Variants in CPS1 observed in about 807,000 individuals in gnomAD.
CPS1 encodes the protein carbamoyl-phosphate synthase [ammonia], mitochondrial.
Under a neutral mutation model 174.6 loss-of-function variants are expected in CPS1, and 109 were observed. The ratio of observed to expected loss-of-function variants is 0.62; its 90% CI spans 0.53 to 0.73. The LOEUF is 0.73. Among genes scored for constraint, CPS1 ranks in the 30% least tolerant of loss-of-function variants. The probability of loss-of-function intolerance (pLI) is 0.00; values close to 1 mark genes in which losing one functional copy is unlikely to be tolerated. For missense variants in CPS1, 1,689 were observed against 1,821.9 expected (o/e 0.93, Z 1.33); for synonymous variants, 637 against 632.0 (o/e 1.01, Z -0.12).
chr2:210,542,905 C>G (rs1199349297), intron 1 of CPS1, among the ~76,000 whole-genome samples: 1 of 152,082 alleles, frequency 6.6e-6, no homozygotes, highest in African/African-American at 2.4e-5. Flanking sequence ...TACATGGTTT[C>G]AAGTATATTC....
intron 1 of CPS1, among the ~76,000 whole-genome samples, chr2:210,539,740 G>A (rs1036681390): frequency 1.3e-5 from 2 of 152,162 alleles, no homozygotes; most frequent in East Asian, 1.9e-4. Flanking sequence ...TCTTTGGGGC[G>A]TTAGGGGGTC....
intron 29 of CPS1, among the ~76,000 whole-genome samples, chr2:210,655,284 A>G (rs1700669567): frequency 1.3e-5 from 2 of 152,200 alleles, no homozygotes; most frequent in South Asian, 4.1e-4. Flanking sequence ...AGACATTTGT[A>G]CTTTTTCAAA....
chr2:210,594,374 A>T (rs1000956627), intron 11 of CPS1, 134 bp from the exon 12 acceptor site: 25 of 673,148 alleles, frequency 3.7e-5, no homozygotes, highest in Non-Finnish European at 5.7e-5. Flanking sequence ...CAAAAAAGCA[A>T]AAAAAGCTGA....
At chr2:210,479,294 G>A (rs1020038056) in intron 1 of CPS1, among the ~76,000 whole-genome samples, 2 of 150,556 alleles carry the variant, frequency 1.3e-5, no homozygotes, top group Non-Finnish European at 3.0e-5. Flanking sequence ...CACCATCATA[G>A]TGGATTATGA....
chr2:210,489,033 T>C (rs79066572), intron 1 of CPS1, among the ~76,000 whole-genome samples: 3,675 of 152,194 alleles, frequency 0.024, 142 homozygotes, highest in African/African-American at 0.084. Context: ...ATTATGAAAA[T>C]TTATTCATTG....
chr2:210,491,306 T>C (rs1463850594), intron 1 of CPS1, among the ~76,000 whole-genome samples: 2 of 105,726 alleles, frequency 1.9e-5, no homozygotes, highest in Admixed American at 1.2e-4. Flanking sequence ...TTGGTATCTG[T>C]GTTTTTTTTT....
intron 5 of CPS1, among the ~76,000 whole-genome samples, chr2:210,581,902 C>A (rs1697934075): frequency 6.6e-6 from 1 of 152,134 alleles, no homozygotes; most frequent in Non-Finnish European, 1.5e-5. Context: ...TCAATAGAAT[C>A]TTGATTACTA....
At chr2:210,563,490 A>G (rs754734735) in intron 1 of CPS1, among the ~76,000 whole-genome samples, 5 of 152,142 alleles carry the variant, frequency 3.3e-5, no homozygotes, top group African/African-American at 4.8e-5. Context: ...TCTTCCTCTT[A>G]TAGTCCTGTA....
chr2:210,675,769 C>G lies in CPS1; in HGVS notation c.4203C>G (p.Asn1401Lys). 1 of 1,610,730 alleles carries G rather than the reference C, an allele frequency of 6.2e-7. No individual in the cohort carries two copies. The highest frequency in any genetic ancestry group is 8.5e-7 in the Non-Finnish European group (1 of 1,176,898). Residue 1401 changes from asparagine to lysine, a missense_variant, in exon 36 of 38, where the codon AAC (asparagine) becomes AAG (lysine). Physicochemically the swap from Asn to Lys is moderately conservative, Grantham distance 94 (BLOSUM62 0). Coordinates refer to ENST00000233072, the MANE Select transcript of CPS1 (RefSeq NM_001875.5). ...TEATSDWLNANNVPATPVAWP... is the reference protein window; with the variant it reads ...TEATSDWLNAKNVPATPVAWP... ...CCACATCAGACTGGCTCAACGCCAA[C>G]AATGTCCCTGCCACCCCAGTGGCAT...
intron 6 of CPS1, among the ~76,000 whole-genome samples, chr2:210,586,756 G>A (rs976657613): frequency 6.6e-6 from 1 of 151,960 alleles, no homozygotes; most frequent in Non-Finnish European, 1.5e-5. Flanking sequence ...GTGAAAGCTG[G>A]CTCCTTTGTT....
At chr2:210,479,698 A>G (rs1023760333) in intron 1 of CPS1, among the ~76,000 whole-genome samples, 1 of 152,220 alleles carries the variant, frequency 6.6e-6, no homozygotes, top group Non-Finnish European at 1.5e-5. Flanking sequence ...AATAGTACCT[A>G]TGCTTTCACC....
At chr2:210,652,734 G>T (rs1559128581) in intron 28 of CPS1, among the ~76,000 whole-genome samples, 1 of 152,172 alleles carries the variant, frequency 6.6e-6, no homozygotes, top group Non-Finnish European at 1.5e-5. Context: ...TAATAGGTTT[G>T]GAATTGAGGA....
intron 1 of CPS1, among the ~76,000 whole-genome samples, chr2:210,529,274 T>A (rs754772622): frequency 6.6e-6 from 1 of 151,982 alleles, no homozygotes; most frequent in Non-Finnish European, 1.5e-5. Flanking sequence ...AGACATTAAA[T>A]TGAGTGACTC....
intron 1 of CPS1, among the ~76,000 whole-genome samples, chr2:210,547,393 A>G (rs557175237): frequency 3.0e-4 from 46 of 152,220 alleles, no homozygotes; most frequent in Non-Finnish European, 5.4e-4. Context: ...GTTTATTTTC[A>G]TATTTGAGTC....
At chr2:210,542,415 C>T (rs1280956593) in intron 1 of CPS1, among the ~76,000 whole-genome samples, 1 of 152,116 alleles carries the variant, frequency 6.6e-6, no homozygotes, top group Non-Finnish European at 1.5e-5. Context: ...CTACATCTTA[C>T]TTTATTAGAA....
chr2:210,535,360 G>C (rs911210437), intron 1 of CPS1, among the ~76,000 whole-genome samples: 2 of 151,986 alleles, frequency 1.3e-5, no homozygotes, highest in African/African-American at 4.8e-5. Context: ...CTCTTACCCC[G>C]TTCCCCTCCC....
At chr2:210,671,294 C>T (rs920904105) in intron 34 of CPS1, among the ~76,000 whole-genome samples, 1 of 152,126 alleles carries the variant, frequency 6.6e-6, no homozygotes, top group Non-Finnish European at 1.5e-5. Flanking sequence ...AAGACAACTC[C>T]AAGTGACATG....
chr2:210,558,943 G>C (rs778938749), intron 1 of CPS1, among the ~76,000 whole-genome samples: 1 of 152,038 alleles, frequency 6.6e-6, no homozygotes, highest in Non-Finnish European at 1.5e-5. Flanking sequence ...TTACTGGCCA[G>C]AGTTTTGGAG....
Position 210,494,584 on chromosome 2 carries a change from C to T in CPS1, c.3+16818C>T, listed in dbSNP as rs141191607. The stretch of plus-strand genomic sequence containing the variant: ...GGAGATGCAAAGGCAAACACCTATC[C>T]TGTGTGAGCACTTTCAGCTTCAAAT... On this transcript the variant is annotated intron_variant, in intron 1 of 38. Transcript: ENST00000430249. Among the ~76,000 whole-genome samples, 353 of 152,294 alleles carry T rather than the reference C, an allele frequency of 2.3e-3. 3 individuals carry two copies. The highest frequency in any genetic ancestry group is 4.2e-3 in the Non-Finnish European group (283 of 68,022).
Sources: allele counts gnomAD v4.1 joint callset (sites outside exome capture counted in the v4.1 genomes callset), GRCh38; gene constraint gnomAD v4.1.1; transcripts MANE v1.5; gene names NCBI Gene and HGNC (gene_info 2026-07-23, HGNC 2026-07-21).